Variants in TP53I13 observed in about 807,000 individuals in gnomAD.
TP53I13 encodes tumor protein p53 inducible protein 13.
In TP53I13, 27 loss-of-function variants were observed where a neutral mutation model predicts 39.1. The observed-to-expected ratio is 0.69, with a 90% CI of 0.51 to 0.95. The LOEUF (loss-of-function observed/expected upper bound fraction) is 0.95, where lower values mean the gene tolerates loss of function less well. Ranked by LOEUF, TP53I13 falls within the 40% of genes least tolerant of loss-of-function variation. The pLI, the probability that TP53I13 is intolerant of heterozygous loss-of-function variation, is 0.00. For missense variants in TP53I13, 544 were observed against 520.4 expected (o/e 1.05, Z -0.44); for synonymous variants, 230 against 224.6 (o/e 1.02, Z -0.22).
chr17:29,576,003 AT>A, downstream of TP53I13: 1 of 1,566,422 alleles, frequency 6.4e-7, no homozygotes, highest in Non-Finnish European at 8.8e-7. Flanking sequence ...TAAGCCCCGA[AT>A]TCAGCACAGA....
the TP53I13 span, among the ~76,000 whole-genome samples, chr17:29,580,316 A>T: frequency 6.6e-6 from 1 of 152,214 alleles, no homozygotes. Flanking sequence ...ATCAGACCAT[A>T]GAAGTAGGAG....
At chr17:29,567,684 A>C (rs2032757309), upstream of TP53I13, among the ~76,000 whole-genome samples, 1 of 152,050 alleles carries the variant, frequency 6.6e-6, no homozygotes, top group Non-Finnish European at 1.5e-5. The surrounding 1 kb of genome is among the most constrained non-coding windows in gnomAD (Gnocchi z 6.6). Context: ...CATCAAGGAA[A>C]TCCTCAGCCC....
the TP53I13 span, among the ~76,000 whole-genome samples, chr17:29,579,654 T>G: frequency 1.3e-5 from 2 of 151,970 alleles, no homozygotes; most frequent in South Asian, 4.1e-4. Context: ...GGAGGATCGT[T>G]TGAGGCTGTG....
chr17:29,572,877 C>G lies in TP53I13; in HGVS notation c.1135C>G (p.Leu379Val). The stretch of plus-strand genomic sequence containing the variant: ...CAAGCGCTCGCGCCGGAGACCCCTC[C>G]TCCCGCCCACGCCGGACAGCGGCCC... Reference protein sequence around the residue: ...RVKRSRRRPLLPPTPDSGPEG... With the variant: ...RVKRSRRRPLVPPTPDSGPEG... Residue 379 changes from leucine to valine, a missense_variant, in exon 7 of 7, where the codon CTC becomes GTC. By Grantham distance (32) the Leu-to-Val change is conservative. Transcript: ENST00000301057. 1.3e-6 allele frequency: 2 copies of G among 1,518,752 alleles called. No homozygotes were observed. Among genetic ancestry groups the G allele is most frequent in the South Asian group, 2.4e-5 (2 of 82,132 alleles). The allele number at this position is 1,518,752 out of a possible 1,614,324, so 94.1% of individuals were successfully genotyped here. A position where few individuals can be genotyped will look rare whatever the true frequency, so the allele number is the denominator to read the frequency against.
upstream of TP53I13, chr17:29,566,350 A>T: frequency 6.2e-7 from 1 of 1,610,900 alleles, no homozygotes; most frequent in Non-Finnish European, 8.5e-7. Context: ...GAAAGGCTGC[A>T]GCCGGGGGCT....
chr17:29,581,496 G>A, the TP53I13 span: 39 of 879,230 alleles, frequency 4.4e-5, no homozygotes, highest in East Asian at 9.1e-4. The surrounding 1 kb of genome is among the most constrained non-coding windows in gnomAD (Gnocchi z 4.8). Context: ...GGGAAAGTGG[G>A]GAGGGCAGGC....
At chr17:29,574,128 GA>G (rs1157824593), downstream of TP53I13, 67 of 141,072 alleles carry the variant, frequency 4.7e-4, no homozygotes, top group Admixed American at 7.0e-4. Context: ...GAAGAAGAAA[GA>G]AAAAAAAAAA....
At chr17:29,575,264 C>T (rs769522976), downstream of TP53I13, 4 of 1,597,260 alleles carry the variant, frequency 2.5e-6, no homozygotes, top group Non-Finnish European at 3.4e-6. The surrounding 1 kb of genome is among the most constrained non-coding windows in gnomAD (Gnocchi z 5.5). Flanking sequence ...CTGCATCCCC[C>T]TCACCTCCCC....
downstream of TP53I13, chr17:29,574,454 G>C (rs1808572491): frequency 1.1e-5 from 6 of 549,884 alleles, no homozygotes; most frequent in South Asian, 1.3e-4. Flanking sequence ...CTCACTAGGA[G>C]GGGGGAGATG....
At chr17:29,574,639 G>T, downstream of TP53I13, 1 of 1,288,750 alleles carries the variant, frequency 7.8e-7, no homozygotes, top group Non-Finnish European at 1.1e-6. Context: ...TTAATGTCTG[G>T]AGTGGCCCAG....
At chr17:29,575,944 C>T (rs748436918), downstream of TP53I13, 3 of 1,549,260 alleles carry the variant, frequency 1.9e-6, no homozygotes, top group East Asian at 6.8e-5. The surrounding 1 kb of genome is among the most constrained non-coding windows in gnomAD (Gnocchi z 5.5). Flanking sequence ...GCCCCACTGC[C>T]CCCCTGCTCA....
Position 29,572,796 on chromosome 17 carries a change from G to C in TP53I13, c.1070-16G>C, listed in dbSNP as rs1407868179. 7.9e-6 allele frequency: 12 copies of C among 1,521,142 alleles called. No homozygotes were observed. The South Asian group carries it at 1.5e-4, about 18-fold the overall frequency. 94.2% of individuals were successfully genotyped at this position (1,521,142 alleles called of 1,614,324 possible). Reference sequence around the variant, plus strand: ...CCTGCCCTCCCGCCCTTGACTGCTCGGCGCCCGGCCCACAGCTGTGCTGAA... The same window carrying C: ...CCTGCCCTCCCGCCCTTGACTGCTCCGCGCCCGGCCCACAGCTGTGCTGAA... On this transcript the variant is annotated splice_polypyrimidine_tract_variant and intron_variant, in intron 6 of 6. Transcript: ENST00000301057.
downstream of TP53I13, chr17:29,577,072 GCCATGCAGGAAAGAC>G: frequency 6.2e-7 from 1 of 1,604,892 alleles, no homozygotes; most frequent in Non-Finnish European, 8.5e-7. Context: ...GGCAGGGAGA[GCCATGCAGGAAAGAC>G]CCCTGGAGCC....
chr17:29,568,145 G>A (rs890165051), upstream of TP53I13: 1 of 152,206 alleles, frequency 6.6e-6, no homozygotes, highest in Admixed American at 6.5e-5. This position sits in a 1 kb window ranked among gnomAD's most constrained non-coding sequence, Gnocchi z 4.5. Context: ...GACACCTCCC[G>A]AGGCTCCTCC....
upstream of TP53I13, chr17:29,568,665 C>G (rs1253321257): frequency 2.3e-6 from 1 of 431,738 alleles, no homozygotes; most frequent in Non-Finnish European, 2.7e-6. The surrounding 1 kb of genome is among the most constrained non-coding windows in gnomAD (Gnocchi z 4.5). Flanking sequence ...GCGGCGCGGG[C>G]GGCGCGGGGG....
chr17:29,577,347 TA>T (rs1280409226), downstream of TP53I13: 1 of 920,106 alleles, frequency 1.1e-6, no homozygotes, highest in Non-Finnish European at 1.7e-6. Context: ...CCATTTAATT[TA>T]ACCCCAGCTA....
At chr17:29,579,896 G>A in the TP53I13 span, among the ~76,000 whole-genome samples, 2 of 152,126 alleles carry the variant, frequency 1.3e-5, no homozygotes, top group South Asian at 4.1e-4. Context: ...ACACTTCTGT[G>A]CCTGGAACTC....
chr17:29,582,217 G>T, the TP53I13 span: 1 of 1,177,090 alleles, frequency 8.5e-7, no homozygotes, highest in Non-Finnish European at 1.2e-6. Flanking sequence ...GCTGCACCCT[G>T]GCTGCCCCTG....
At chr17:29,569,266 C>G in intron 2 of TP53I13, 52 bp from the exon 3 acceptor site, 1 of 1,595,612 alleles carries the variant, frequency 6.3e-7, no homozygotes, top group Non-Finnish European at 8.6e-7. Flanking sequence ...CCCCACCACA[C>G]ACACACGGAG....
Sources: allele counts gnomAD v4.1 joint callset (sites outside exome capture counted in the v4.1 genomes callset), GRCh38; gene constraint gnomAD v4.1.1; non-coding constraint Gnocchi (gnomAD v3.1); transcripts MANE v1.5; gene names NCBI Gene and HGNC (gene_info 2026-07-23, HGNC 2026-07-21).